The following RGS11 variants were observed in gnomAD, a reference collection of about 807,000 sequenced individuals.
The protein encoded by RGS11 is regulator of G-protein signaling 11.
In RGS11, 86 loss-of-function variants were observed where a neutral mutation model predicts 71.1. The observed-to-expected ratio is 1.21, with a 90% CI of 1.02 to 1.45. The LOEUF (loss-of-function observed/expected upper bound fraction) is 1.45, where lower values mean the gene tolerates loss of function less well. Ranked by LOEUF, RGS11 falls within the 40% of genes most tolerant of loss-of-function variation. The pLI is 0.00. For synonymous variants in RGS11, 298 were observed against 254.2 expected (o/e 1.17, Z -1.64); for missense variants, 734 against 635.1 (o/e 1.16, Z -1.67).
chr16:272,306 C>T (rs1032113417), intron 9 of RGS11: 52 of 1,280,908 alleles, frequency 4.1e-5, no homozygotes, highest in Middle Eastern at 2.1e-4. Context: ...CCTGTGTCCC[C>T]GCTCTCTCTG....
intron 15 of RGS11, 123 bp from the exon 16 acceptor site, chr16:269,708 G>A (rs2051829430): frequency 1.3e-6 from 1 of 777,660 alleles, no homozygotes; most frequent in South Asian, 1.7e-5. Flanking sequence ...GGCGGACAGG[G>A]TGCTGGAGGC....
intron 9 of RGS11, chr16:272,650 C>T: frequency 6.8e-7 from 1 of 1,460,370 alleles, no homozygotes; most frequent in Non-Finnish European, 9.0e-7. Flanking sequence ...TACCTGCACC[C>T]AGGGCAGCAG....
In RGS11 at chr16:268,705, A is replaced by C. The variant is rs888027497; in HGVS notation, c.*564T>G. 30 of 1,476,934 alleles carry C rather than the reference A, an allele frequency of 2.0e-5. No individual in the cohort carries two copies. Among genetic ancestry groups the C allele is most frequent in the Non-Finnish European group, 2.6e-5 (28 of 1,090,346 alleles). The allele number at this position is 1,476,934 out of a possible 1,614,324, so 91.5% of individuals were successfully genotyped here. A position where few individuals can be genotyped will look rare whatever the true frequency, so the allele number is the denominator to read the frequency against. On this transcript the variant is annotated 3_prime_UTR_variant, in exon 17 of 17. Transcript: ENST00000397770. The stretch of plus-strand genomic sequence containing the variant: ...CTGGAACGCGTTTGGCGAGGGAGGA[A>C]TAGGCGCAGCTCCGGAAGGCAGTGA...
chr16:270,418 A>G (rs1051711199), intron 15 of RGS11, 105 bp downstream of exon 15: 1 of 1,350,624 alleles, frequency 7.4e-7, no homozygotes, highest in Non-Finnish European at 1.0e-6. Flanking sequence ...CCAGGGGCAG[A>G]GTCAACGTGG....
intron 9 of RGS11, 117 bp downstream of exon 9, chr16:272,746 C>A: frequency 6.6e-7 from 1 of 1,510,890 alleles, no homozygotes; most frequent in Non-Finnish European, 8.8e-7. Context: ...GGAGGCTGCA[C>A]CAAGTGCCCT....
Position 275,875 on chromosome 16 carries a change from G to C in RGS11, c.37C>G (p.Arg13Gly), listed in dbSNP as rs1275403576. The stretch of plus-strand genomic sequence containing the variant: ...TTCCTCAGATGCGGCATCTGCGCCC[G>C]GGGGCGGCCGGGGGGCGGCGCGGGG... Reference protein sequence around the residue: ...AGPAPPPGRPRAQMPHLRKME... With the variant: ...AGPAPPPGRPGAQMPHLRKME... Residue 13 changes from arginine to glycine, a missense_variant, in exon 1 of 17, where the codon CGG (arginine) becomes GGG (glycine). Physicochemically the swap from Arg to Gly is moderately radical, Grantham distance 125. Transcript: ENST00000397770. The C allele has an allele frequency of 1.0e-6, 1 of 954,832 alleles. No homozygotes were observed. Among genetic ancestry groups the C allele is most frequent in the Non-Finnish European group, 1.3e-6 (1 of 780,324 alleles). The allele number at this position is 954,832 out of a possible 1,614,324, so 59.1% of individuals were successfully genotyped here.
intron 9 of RGS11, chr16:272,221 A>G (rs1161399392): frequency 2.5e-6 from 3 of 1,187,100 alleles, no homozygotes; most frequent in Non-Finnish European, 3.2e-6. Flanking sequence ...ATCACTGGGG[A>G]ACCAGGTGTG....
intron 8 of RGS11, 28 bp downstream of exon 8, chr16:273,447 C>A: frequency 6.5e-7 from 1 of 1,527,914 alleles, no homozygotes; most frequent in Non-Finnish European, 8.8e-7. Flanking sequence ...TGGCCAGCGA[C>A]CCCCACCCTC....
Position 275,868 on chromosome 16 carries a change from T to C in RGS11, c.44A>G (p.Gln15Arg). The part of the protein sequence containing the change: ...PAPPPGRPRA[Q>R]MPHLRKMERV... ...TCGCACCTTCCTCAGATGCGGCATC[T>C]GCGCCCGGGGGCGGCCGGGGGGCGG... The change falls in exon 1 of 17, where the codon CAG becomes CGG. Residue 15 changes from glutamine (Q) to arginine (R), a missense_variant. Transcript: ENST00000397770. 1.9e-6 allele frequency: 2 copies of C among 1,028,692 alleles called. No individual in the cohort carries two copies. Among genetic ancestry groups the C allele is most frequent in the East Asian group, 6.0e-5 (1 of 16,646 alleles). The allele number at this position is 1,028,692 out of a possible 1,614,324, so 63.7% of individuals were successfully genotyped here.
chr16:274,078 T>C lies in RGS11; in HGVS notation c.394A>G (p.Ile132Val). 2.6e-6 allele frequency: 4 copies of C among 1,551,620 alleles called. No homozygotes were observed. Among genetic ancestry groups the C allele is most frequent in the Non-Finnish European group, 3.5e-6 (4 of 1,147,370 alleles). Residue 132 changes from isoleucine (I) to valine (V), a missense_variant, in exon 6 of 17, where the codon ATC becomes GTC. Transcript: ENST00000397770. ...TCCACCAGGGTCCCCCGTTTTCGGA[T>C]GTTCTTCTTGGCCAGGTAGATGGCT... is the stretch of plus-strand genomic sequence containing the variant. ...DYAIYLAKKN[I>V]RKRGTLVDYE...
rs1567235174 is a variant in RGS11 at position 270,578 on chromosome 16, GGCTGGC to G, written c.1145_1150del (p.Arg382_Gln383del). On this transcript the variant is annotated inframe_deletion, in exon 15 of 17. Transcript: ENST00000397770. Reference sequence around the variant, plus strand: ...GGCGTCATCCAGGACATAGCGGTGGGGCTGGCGCAGCCCCTCCAGGGTCTGCTCCAT... The same window carrying G: ...GGCGTCATCCAGGACATAGCGGTGGGGCAGCCCCTCCAGGGTCTGCTCCAT... The G allele has an allele frequency of 1.9e-6, 3 of 1,608,688 alleles. No individual in the cohort carries two copies. The highest frequency in any genetic ancestry group is 2.5e-6 in the Non-Finnish European group (3 of 1,178,128).
intron 4 of RGS11, 176 bp downstream of exon 4, chr16:274,800 T>G (rs1356505750): frequency 1.2e-6 from 1 of 868,642 alleles, no homozygotes; most frequent in African/African-American, 1.7e-5. Context: ...ACCACATCCG[T>G]ACTTGCGGTC....
rs2141394615 is a variant in RGS11 at position 268,638 on chromosome 16, T to A, written c.*631A>T. The A allele has an allele frequency of 2.8e-5, 23 of 822,664 alleles. 1 individual carries two copies. The highest frequency in any genetic ancestry group is 3.4e-4 in the Middle Eastern group (1 of 2,922). 51.0% of individuals were successfully genotyped at this position (822,664 alleles called of 1,614,324 possible). A position where few individuals can be genotyped will look rare whatever the true frequency, so the allele number is the denominator to read the frequency against. On this transcript the variant is annotated 3_prime_UTR_variant, in exon 17 of 17. Transcript: ENST00000397770. ...ATAAATCGGGGGGGAGGCCGCGGCC[T>A]CGAGGTGGGAAAGCAGGTGCCGGCG...
Position 272,890 on chromosome 16 carries a change from T to C in RGS11, c.630A>G (p.Gly210=), listed in dbSNP as rs1335221200. 5 of 1,537,506 alleles carry C rather than the reference T, an allele frequency of 3.3e-6. No homozygotes were observed. The highest frequency in any genetic ancestry group is 4.0e-5 in the Admixed American group (2 of 50,182). ...TGAGCACACGGCTGGCAGCGCAGGA[T>C]CCCCGCCCTGGACCCTGCTCCAGCA... ...PDVLEQGPGR[G]SCAASRVLMT... The change falls in exon 9 of 17, where the codon GGA becomes GGG. Residue 210 remains glycine (G), a synonymous_variant. Coordinates refer to ENST00000397770, the MANE Select transcript of RGS11 (RefSeq NM_183337.3).
At chr16:269,728 G>A (rs865963099) in intron 15 of RGS11, 143 bp from the exon 16 acceptor site, 13 of 656,760 alleles carry the variant, frequency 2.0e-5, no homozygotes, top group Admixed American at 2.8e-5. Context: ...CAGCCGCCTC[G>A]GACCTGCCCA....
At chr16:272,991 G>C in intron 8 of RGS11, 60 bp from the exon 9 acceptor site, 1 of 1,400,828 alleles carries the variant, frequency 7.1e-7, no homozygotes, top group Non-Finnish European at 9.5e-7. Flanking sequence ...CCCCTTTAAG[G>C]CTAAGTTCCC....
chr16:275,154 C>A (rs2052112171), intron 3 of RGS11, 72 bp from the exon 4 acceptor site: 2 of 1,550,426 alleles, frequency 1.3e-6, no homozygotes, highest in South Asian at 2.4e-5. Context: ...GGCCTCCTCT[C>A]CCCTATGTGC....
At position 275,290 on chromosome 16, in the gene RGS11, C is replaced by G. The variant is rs117215141; in HGVS notation, c.204G>C (p.Ser68=). The G allele has an allele frequency of 4.1e-3, 6,680 of 1,612,606 alleles. 307 individuals carry two copies. In the East Asian group the frequency reaches 0.11, roughly 26 times the overall value. ...GGGAGGCAGGGCGCTCACCCTCCTC[C>G]GAGACGCAGAACTTCTGGGCCAACC... ...VQWLAQKFCV[S]EEEALHLGAV... The change falls in exon 3 of 17, where the codon TCG becomes TCC. Residue 68 remains serine, a synonymous_variant. Transcript: ENST00000397770.
At chr16:270,487 A>T in intron 15 of RGS11, 36 bp downstream of exon 15, 1 of 1,569,480 alleles carries the variant, frequency 6.4e-7, no homozygotes, top group Non-Finnish European at 8.7e-7. Context: ...GTCTGGGATG[A>T]CCCCTCCTGC....
Sources: gnomAD v4.1 joint callset for allele counts on GRCh38, gnomAD v4.1.1 for gene constraint, MANE v1.5 for transcripts, NCBI Gene and HGNC (gene_info 2026-07-23, HGNC 2026-07-21) for gene names.